CNTN4: variants seen among roughly 807,000 people sequenced by gnomAD.
CNTN4 encodes contactin-4.
Under a neutral mutation model 122.5 loss-of-function variants are expected in CNTN4, and 77 were observed. The observed-to-expected ratio is 0.63, with a 90% CI of 0.52 to 0.76. The LOEUF (loss-of-function observed/expected upper bound fraction) is 0.76, where lower values mean the gene tolerates loss of function less well. Among genes scored for constraint, CNTN4 ranks in the 30% least tolerant of loss-of-function variants. The pLI, the probability that CNTN4 is intolerant of heterozygous loss-of-function variation, is 0.00. For synonymous variants in CNTN4, 512 were observed against 447.0 expected, an observed-to-expected ratio of 1.15 and a Z score of -1.83; for missense variants, 1,256 against 1,259.1, an observed-to-expected ratio of 1.00 and a Z score of 0.04.
chr3:2,269,622 C>A (rs2041187975), intron 2 of CNTN4, among the ~76,000 whole-genome samples: 1 of 152,160 alleles, frequency 6.6e-6, no homozygotes, highest in African/African-American at 2.4e-5. Flanking sequence ...GACCATGATA[C>A]AATGAGGTCC....
At chr3:2,677,863 A>C (rs1447403694) in intron 4 of CNTN4, among the ~76,000 whole-genome samples, 1 of 152,224 alleles carries the variant, frequency 6.6e-6, no homozygotes, top group Non-Finnish European at 1.5e-5. Context: ...GAAACGGTAC[A>C]ATTTGCAATA....
At chr3:2,118,257 C>A (rs1379658265) in intron 2 of CNTN4, among the ~76,000 whole-genome samples, 4 of 152,158 alleles carry the variant, frequency 2.6e-5, no homozygotes, top group Non-Finnish European at 5.9e-5. Flanking sequence ...AATGGCAATA[C>A]TGATATCATA....
chr3:2,198,977 C>T (rs764637610), intron 2 of CNTN4, among the ~76,000 whole-genome samples: 9 of 152,146 alleles, frequency 5.9e-5, no homozygotes, highest in Middle Eastern at 3.2e-3. Context: ...CTGGGGAAGC[C>T]GAATCATCGT....
chr3:2,475,618 T>G (rs1559587563), intron 3 of CNTN4, among the ~76,000 whole-genome samples: 1 of 152,206 alleles, frequency 6.6e-6, no homozygotes, highest in Non-Finnish European at 1.5e-5. Flanking sequence ...TGTCAGTTCC[T>G]TTTTATTGAT....
chr3:2,950,582 G>A lies in CNTN4; in HGVS notation c.1358+24803G>A, dbSNP rs572809520. Among the ~76,000 whole-genome samples the A allele has an allele frequency of 4.6e-5, 7 of 152,120 alleles. No homozygotes were observed. In the East Asian group the frequency reaches 1.4e-3, roughly 29 times the overall value. Reference sequence around the variant, plus strand: ...AGATGCTGGACTAGGTCCTCTTCCAGCAAAATGGTGCGCATTGCCCAGATG... The same window carrying A: ...AGATGCTGGACTAGGTCCTCTTCCAACAAAATGGTGCGCATTGCCCAGATG... On this transcript the variant is annotated intron_variant, in intron 13 of 24. Transcript: ENST00000418658.
intron 2 of CNTN4, among the ~76,000 whole-genome samples, chr3:2,220,881 C>T (rs1013699764): frequency 6.6e-6 from 1 of 152,010 alleles, no homozygotes; most frequent in African/African-American, 2.4e-5. Flanking sequence ...TGAATTAGAA[C>T]TCAGATTTCC....
chr3:3,056,328 C>A lies in CNTN4; in HGVS notation c.*108C>A. 1 of 851,510 alleles carries A rather than the reference C, an allele frequency of 1.2e-6. No homozygotes were observed. Among genetic ancestry groups the A allele is most frequent in the Non-Finnish European group, 2.0e-6 (1 of 509,096 alleles). The allele number at this position is 851,510 out of a possible 1,614,324, so 52.7% of individuals were successfully genotyped here. On this transcript the variant is annotated 3_prime_UTR_variant, in exon 25 of 25. Transcript: ENST00000418658. Reference sequence around the variant, plus strand: ...ATTGTTGTTCAAGTACATCTTATTACTGGAATAAAAATGTTTTTTGCTTCT... The same window carrying A: ...ATTGTTGTTCAAGTACATCTTATTAATGGAATAAAAATGTTTTTTGCTTCT...
At chr3:2,896,550 C>G (rs2094117207) in intron 10 of CNTN4, among the ~76,000 whole-genome samples, 1 of 152,140 alleles carries the variant, frequency 6.6e-6, no homozygotes, top group Non-Finnish European at 1.5e-5. Context: ...CTTCTGCCAA[C>G]TGGAAGTCAG....
chr3:2,565,475 A>G (rs2079117661), intron 3 of CNTN4, among the ~76,000 whole-genome samples: 1 of 152,196 alleles, frequency 6.6e-6, no homozygotes, highest in Non-Finnish European at 1.5e-5. Context: ...AATTTTCATT[A>G]TCCAAGAAGA....
intron 8 of CNTN4, among the ~76,000 whole-genome samples, chr3:2,879,623 G>A (rs915818973): frequency 1.4e-5 from 2 of 143,826 alleles, no homozygotes; most frequent in African/African-American, 5.0e-5. Context: ...TTAATTTATA[G>A]GAAATATTCA....
intron 3 of CNTN4, among the ~76,000 whole-genome samples, chr3:2,420,255 T>G (rs1470898949): frequency 6.6e-6 from 1 of 152,134 alleles, no homozygotes; most frequent in East Asian, 1.9e-4. Context: ...CAAGTGAGCT[T>G]CATATAAGGA....
At chr3:2,379,718 A>G (rs1158624682) in intron 3 of CNTN4, among the ~76,000 whole-genome samples, 3 of 152,108 alleles carry the variant, frequency 2.0e-5, no homozygotes, top group Admixed American at 1.3e-4. Context: ...TAACCTCTCA[A>G]AGTGACAGTT....
intron 13 of CNTN4, among the ~76,000 whole-genome samples, chr3:2,943,623 TATA>T (rs1559699082): frequency 2.6e-5 from 2 of 78,312 alleles, no homozygotes; most frequent in Admixed American, 2.8e-4. Context: ...TATATATATA[TATA>T]TATATTTTTT....
chr3:3,037,124 T>C (rs1699681055), intron 17 of CNTN4, 55 bp from the exon 18 acceptor site: 1 of 1,587,020 alleles, frequency 6.3e-7, no homozygotes, highest in Admixed American at 1.7e-5. Flanking sequence ...ACGTAATCTC[T>C]GCATTTGTTT....
chr3:2,854,130 G>C (rs1175369027), intron 7 of CNTN4, among the ~76,000 whole-genome samples: 1 of 152,064 alleles, frequency 6.6e-6, no homozygotes, highest in Non-Finnish European at 1.5e-5. Context: ...TTTTGAAAAG[G>C]ATAGTTCCAT....
intron 3 of CNTN4, among the ~76,000 whole-genome samples, chr3:2,554,201 T>C (rs2078627371): frequency 6.6e-6 from 1 of 152,184 alleles, no homozygotes; most frequent in South Asian, 2.1e-4. Flanking sequence ...TCTGGCATGT[T>C]TAGTGTTTTA....
intron 6 of CNTN4, among the ~76,000 whole-genome samples, chr3:2,804,213 T>C (rs1394382598): frequency 6.6e-6 from 1 of 152,150 alleles, no homozygotes; most frequent in Non-Finnish European, 1.5e-5. Flanking sequence ...CTTCATTTGT[T>C]ACAGTGGGTG....
chr3:2,448,703 C>G (rs1169071390), intron 3 of CNTN4, among the ~76,000 whole-genome samples: 2 of 152,160 alleles, frequency 1.3e-5, no homozygotes, highest in Admixed American at 6.5e-5. Context: ...ATCCATTTAA[C>G]AATTATTACT....
At chr3:2,901,228 G>A (rs2094169675) in intron 11 of CNTN4, among the ~76,000 whole-genome samples, 1 of 152,162 alleles carries the variant, frequency 6.6e-6, no homozygotes, top group African/African-American at 2.4e-5. Context: ...ATGAAGCAGG[G>A]GTAGAGCGGA....
Sources: allele counts gnomAD v4.1 joint callset (sites outside exome capture counted in the v4.1 genomes callset), GRCh38; gene constraint gnomAD v4.1.1; transcripts MANE v1.5; gene names NCBI Gene and HGNC (gene_info 2026-07-23, HGNC 2026-07-21).